Variants in LUC7L2 observed in about 807,000 individuals in gnomAD.
LUC7L2 encodes LUC7 like 2, pre-mRNA splicing factor, also known as putative RNA-binding protein Luc7-like 2.
Under a neutral mutation model 52.8 loss-of-function variants are expected in LUC7L2, and 25 were observed. That is an observed-to-expected ratio of 0.47 (90% confidence interval 0.34 to 0.66). LUC7L2 has a LOEUF of 0.66. Ranked by LOEUF, LUC7L2 falls within the 30% of genes least tolerant of loss-of-function variation. LUC7L2 has a pLI of 0.01. For synonymous variants in LUC7L2, 144 were observed against 160.9 expected, an observed-to-expected ratio of 0.89 and a Z score of 0.80; for missense variants, 328 against 497.8, an observed-to-expected ratio of 0.66 and a Z score of 3.25.
intron 1 of LUC7L2, chr7:139,375,071 T>A: frequency 2.0e-6 from 2 of 983,502 alleles, no homozygotes; most frequent in Non-Finnish European, 2.4e-6. Flanking sequence ...AACACCTACA[T>A]TTCTTAGGGC....
intron 2 of LUC7L2, among the ~76,000 whole-genome samples, chr7:139,392,796 G>A (rs1794498980): frequency 6.6e-6 from 1 of 151,994 alleles, no homozygotes. Flanking sequence ...GGGATTACAG[G>A]CATGCACCAC....
At chr7:139,381,848 T>C (rs1158333963) in intron 2 of LUC7L2, among the ~76,000 whole-genome samples, 1 of 151,330 alleles carries the variant, frequency 6.6e-6, no homozygotes, top group Non-Finnish European at 1.5e-5. Flanking sequence ...AGTGCTGGGA[T>C]TACAGGCATG....
intron 2 of LUC7L2, among the ~76,000 whole-genome samples, chr7:139,381,082 T>C (rs1406321815): frequency 6.6e-6 from 1 of 152,168 alleles, no homozygotes; most frequent in Admixed American, 6.5e-5. Flanking sequence ...TCATATCTTC[T>C]AGTGTAAAGT....
upstream of LUC7L2, chr7:139,359,527 T>C (rs888988801): frequency 1.1e-5 from 3 of 264,582 alleles, no homozygotes; most frequent in African/African-American, 4.4e-5. Flanking sequence ...CCAAGGAGGC[T>C]GACCGCAGTC....
chr7:139,415,692 C>T (rs767542192), intron 8 of LUC7L2, among the ~76,000 whole-genome samples: 9 of 150,372 alleles, frequency 6.0e-5, no homozygotes, highest in Non-Finnish European at 8.9e-5. Flanking sequence ...ACGGGGTCTC[C>T]CTATGTTGCT....
chr7:139,344,943 G>T (rs1270361322), intron 1 of LUC7L2: 1 of 149,348 alleles, frequency 6.7e-6, no homozygotes, highest in Non-Finnish European at 1.5e-5. Context: ...TCGATCCCCT[G>T]ACCTTGTGAT....
chr7:139,355,156 C>T (rs1300173631), upstream of LUC7L2, among the ~76,000 whole-genome samples: 3 of 152,082 alleles, frequency 2.0e-5, no homozygotes, highest in Non-Finnish European at 4.4e-5. Flanking sequence ...CCATGGTGCC[C>T]ACCCAGCCTC....
intron 8 of LUC7L2, among the ~76,000 whole-genome samples, chr7:139,414,476 G>T (rs1192096303): frequency 6.6e-6 from 1 of 152,260 alleles, no homozygotes; most frequent in Non-Finnish European, 1.5e-5. Context: ...GCCGCAGGTT[G>T]GACAAGCTTG....
intron 2 of LUC7L2, among the ~76,000 whole-genome samples, chr7:139,390,002 A>C (rs556485193): frequency 6.6e-5 from 10 of 152,194 alleles, no homozygotes; most frequent in Non-Finnish European, 1.3e-4. Context: ...CATCTCAAAA[A>C]AAAATTAACT....
At chr7:139,412,704 T>A (rs1385533124) in intron 8 of LUC7L2, 124 bp downstream of exon 8, 6 of 1,162,860 alleles carry the variant, frequency 5.2e-6, no homozygotes, top group Non-Finnish European at 5.9e-6. Context: ...GATGCATGCT[T>A]GTAATCCCAG....
At chr7:139,415,377 A>G (rs1318000317) in intron 8 of LUC7L2, among the ~76,000 whole-genome samples, 4 of 152,040 alleles carry the variant, frequency 2.6e-5, no homozygotes, top group Non-Finnish European at 5.9e-5. Flanking sequence ...ATACCTAGTG[A>G]ATATTTTTTG....
chr7:139,342,623 C>T (rs1232147921), intron 1 of LUC7L2, among the ~76,000 whole-genome samples: 3 of 152,120 alleles, frequency 2.0e-5, no homozygotes, highest in South Asian at 2.1e-4. Context: ...ACACCACGCC[C>T]GGCTAATTTT....
Position 139,360,182 on chromosome 7 carries a change from C to A in LUC7L2, c.-80C>A. 1 of 1,098,530 alleles carries A rather than the reference C, an allele frequency of 9.1e-7. No homozygotes were observed. Among genetic ancestry groups the A allele is most frequent in the Non-Finnish European group, 1.3e-6 (1 of 757,896 alleles). The allele number at this position is 1,098,530 out of a possible 1,614,324, so 68.0% of individuals were successfully genotyped here. ...ACCGAGACAGCAGCGCACCTTCCCC[C>A]ATCCCTTCCCCTTATCCCCCAGCCC... is the stretch of plus-strand genomic sequence containing the variant. On this transcript the variant is annotated 5_prime_UTR_variant, in exon 1 of 10. Coordinates refer to ENST00000354926, the MANE Select transcript of LUC7L2 (RefSeq NM_016019.5).
chr7:139,409,148 A>G (rs1795243072), intron 6 of LUC7L2, among the ~76,000 whole-genome samples: 1 of 152,028 alleles, frequency 6.6e-6, no homozygotes, highest in African/African-American at 2.4e-5. Context: ...AAAAAAAATA[A>G]TAAGATCATA....
chr7:139,341,230 T>C (rs921492839), intron 1 of LUC7L2: 9 of 1,337,802 alleles, frequency 6.7e-6, no homozygotes, highest in Non-Finnish European at 8.9e-6. Context: ...ATTAATAAGG[T>C]TCGGTCAACG....
At position 139,418,397 on chromosome 7, in the gene LUC7L2, T is replaced by TC. The variant is rs1174369061; in HGVS notation, c.1001+669dup. Among the ~76,000 whole-genome samples, 19 of 152,340 alleles carry TC rather than the reference T, an allele frequency of 1.2e-4. 2 individuals carry two copies. The highest frequency in any genetic ancestry group is 4.3e-4 in the African/African-American group (18 of 41,580). On this transcript the variant is annotated intron_variant, in intron 9 of 9. Coordinates refer to ENST00000354926, the MANE Select transcript of LUC7L2 (RefSeq NM_016019.5). The stretch of plus-strand genomic sequence containing the variant: ...CTGTATAGATCAAACTGTCAAAACT[T>TC]CTCAGGTCACATGATGGCCCTTAAA...
At chr7:139,406,150 C>T (rs1366083428) in intron 5 of LUC7L2, among the ~76,000 whole-genome samples, 3 of 152,178 alleles carry the variant, frequency 2.0e-5, no homozygotes, top group African/African-American at 7.2e-5. Context: ...CTCCCGGGTT[C>T]AAGCGATTCT....
chr7:139,340,759 T>C (rs766624261), intron 1 of LUC7L2: 3 of 373,192 alleles, frequency 8.0e-6, no homozygotes, highest in African/African-American at 2.1e-5. Context: ...TGGGTTCGAG[T>C]CCCATCTGGG....
chr7:139,398,789 GC>G, intron 3 of LUC7L2, 92 bp downstream of exon 3: 3 of 1,195,196 alleles, frequency 2.5e-6, no homozygotes, highest in Non-Finnish European at 3.5e-6. Flanking sequence ...AAAACTCTTA[GC>G]AGTTTATCCT....
Sources: gnomAD v4.1 joint callset for allele counts (sites outside exome capture counted in the v4.1 genomes callset) on GRCh38, gnomAD v4.1.1 for gene constraint, MANE v1.5 for transcripts, NCBI Gene and HGNC (gene_info 2026-07-23, HGNC 2026-07-21) for gene names.